TMEM14C: variants seen among roughly 807,000 people sequenced by gnomAD.
The protein encoded by TMEM14C is transmembrane protein 14C.
In TMEM14C, 13 loss-of-function variants were observed where a neutral mutation model predicts 14.8. That is an observed-to-expected ratio of 0.88 (90% CI 0.57 to 1.40). The LOEUF (loss-of-function observed/expected upper bound fraction) is 1.40. TMEM14C is among the 40% of genes most tolerant of loss of function. The probability of loss-of-function intolerance (pLI) is 0.00; values close to 1 mark genes in which losing one functional copy is unlikely to be tolerated. For missense variants in TMEM14C, 142 were observed against 138.8 expected (o/e 1.02, Z -0.12); for synonymous variants, 57 against 51.3 (o/e 1.11, Z -0.48).
chr6:10,730,876 C>T lies in TMEM14C; in HGVS notation c.*210C>T. 1 of 1,237,704 alleles carries T rather than the reference C, an allele frequency of 8.1e-7. No homozygotes were observed. The highest frequency in any genetic ancestry group is 1.0e-6 in the Non-Finnish European group (1 of 984,760). 76.7% of individuals were successfully genotyped at this position (1,237,704 alleles called of 1,614,324 possible). ...TATGTAACACAAGAGCTTAATAAGA[C>T]CCTCATAGAGCTTGATTCTTGTATA... On this transcript the variant is annotated 3_prime_UTR_variant, in exon 6 of 6. Coordinates refer to ENST00000229563, the MANE Select transcript of TMEM14C (RefSeq NM_016462.4).
chr6:10,731,121 T>A lies in TMEM14C; in HGVS notation c.*455T>A. On this transcript the variant is annotated 3_prime_UTR_variant, in exon 6 of 6. Transcript: ENST00000229563. ...ATATCAATGAAAATAAAGTTTACTA[T>A]AAATAATATTTCCTATGGGGTCTTC... 1.0e-6 allele frequency: 1 copy of A among 983,220 alleles called. No individual in the cohort carries two copies. The highest frequency in any genetic ancestry group is 1.1e-4 in the East Asian group (1 of 8,806). 60.9% of individuals were successfully genotyped at this position (983,220 alleles called of 1,614,324 possible).
chr6:10,723,861 C>T (rs182835700), intron 1 of TMEM14C, among the ~76,000 whole-genome samples: 22 of 152,278 alleles, frequency 1.4e-4, no homozygotes, highest in Non-Finnish European at 2.4e-4. Context: ...GCCTCGGCCT[C>T]CTAAAGTACT....
rs1169150911 is a variant in TMEM14C at position 10,731,090 on chromosome 6, A to T, written c.*424A>T. 2 of 985,358 alleles carry T rather than the reference A, an allele frequency of 2.0e-6. No individual in the cohort carries two copies. Among genetic ancestry groups the T allele is most frequent in the African/African-American group, 3.5e-5 (2 of 57,268 alleles). The allele number at this position is 985,358 out of a possible 1,614,324, so 61.0% of individuals were successfully genotyped here. A position where few individuals can be genotyped will look rare whatever the true frequency, so the allele number is the denominator to read the frequency against. ...ACAGACTGACTTTGAAATTATGTTA[A>T]GTGAAATATCAATGAAAATAAAGTT... On this transcript the variant is annotated 3_prime_UTR_variant, in exon 6 of 6. Coordinates refer to ENST00000229563, the MANE Select transcript of TMEM14C (RefSeq NM_016462.4).
At chr6:10,723,857 G>A (rs1770770833) in intron 1 of TMEM14C, among the ~76,000 whole-genome samples, 1 of 152,146 alleles carries the variant, frequency 6.6e-6, no homozygotes, top group Non-Finnish European at 1.5e-5. Flanking sequence ...GCCCGCCTCG[G>A]CCTCCTAAAG....
chr6:10,726,869 T>C (rs188901353), intron 4 of TMEM14C, among the ~76,000 whole-genome samples: 70 of 152,232 alleles, frequency 4.6e-4, no homozygotes, highest in African/African-American at 1.6e-3. Context: ...TTGCGGTCTC[T>C]ACAAACCCCG....
In TMEM14C at chr6:10,727,513, AT is replaced by A. The variant is rs1261339779; in HGVS notation, c.200-1122del. On this transcript the variant is annotated intron_variant, in intron 4 of 5. Transcript: ENST00000229563. ...ACCAACATGCCCGGCTAATTTTTCTATTTTTAGTAGAGACAGGAGTTTCGCC... is the reference window on the plus strand; with the variant it reads ...ACCAACATGCCCGGCTAATTTTTCTATTTTAGTAGAGACAGGAGTTTCGCC... Among the ~76,000 whole-genome samples, 2 of 151,742 alleles carry A rather than the reference AT, an allele frequency of 1.3e-5. 1 individual carries two copies. The highest frequency in any genetic ancestry group is 3.9e-4 in the East Asian group (2 of 5,146).
intron 1 of TMEM14C, 43 bp from the exon 2 acceptor site, chr6:10,724,527 A>G (rs1770798197): frequency 9.5e-6 from 13 of 1,367,838 alleles, no homozygotes; most frequent in Admixed American, 1.8e-5. Flanking sequence ...ACTGCTGGAG[A>G]GCTGTGCTTT....
chr6:10,723,570 T>C (rs894491297), intron 1 of TMEM14C, among the ~76,000 whole-genome samples: 1 of 150,060 alleles, frequency 6.7e-6, no homozygotes, highest in Non-Finnish European at 1.5e-5. Flanking sequence ...CCGCTGCCCT[T>C]CCCTGTTTTA....
chr6:10,726,061 T>G (rs966463424), intron 4 of TMEM14C, 53 bp downstream of exon 4: 4 of 1,603,650 alleles, frequency 2.5e-6, no homozygotes, highest in Non-Finnish European at 3.4e-6. Context: ...GAATACTCTT[T>G]TCCAAAAGAC....
intron 4 of TMEM14C, among the ~76,000 whole-genome samples, chr6:10,727,885 T>A (rs774843257): frequency 2.6e-5 from 4 of 152,070 alleles, no homozygotes; most frequent in Non-Finnish European, 5.9e-5. Context: ...TTTAATAGCT[T>A]CTCATTGTTC....
At chr6:10,724,908 T>TG in intron 2 of TMEM14C, 53 bp from the exon 3 acceptor site, 1 of 1,593,722 alleles carries the variant, frequency 6.3e-7, no homozygotes, top group Non-Finnish European at 8.6e-7. Context: ...TATGACAGTA[T>TG]GGTTTGTTTT....
chr6:10,728,084 A>G (rs1034530724), intron 4 of TMEM14C, among the ~76,000 whole-genome samples: 1 of 152,194 alleles, frequency 6.6e-6, no homozygotes, highest in Non-Finnish European at 1.5e-5. Flanking sequence ...CCCATCCTTC[A>G]GCTCATTAAT....
At position 10,724,163 on chromosome 6, in the gene TMEM14C, A is replaced by G. The variant is rs1243309071; in HGVS notation, c.-44-407A>G. 2.0e-5 allele frequency among the ~76,000 whole-genome samples: 3 copies of G among 152,098 alleles called. No homozygotes were observed. The East Asian group carries it at 5.8e-4, about 29-fold the overall frequency. On this transcript the variant is annotated intron_variant, in intron 1 of 5. Coordinates refer to ENST00000229563, the MANE Select transcript of TMEM14C (RefSeq NM_016462.4). ...AGCAGGGATGAAAAGCAACACCCCT[A>G]CCTCCCCTCAAAAGAGACATTAAAG...
chr6:10,729,747 C>G (rs1770974313), intron 5 of TMEM14C, among the ~76,000 whole-genome samples: 6 of 152,096 alleles, frequency 3.9e-5, no homozygotes, highest in Admixed American at 3.9e-4. Context: ...CACTGCACTC[C>G]AGCCTGGGGG....
intron 2 of TMEM14C, 104 bp from the exon 3 acceptor site, chr6:10,724,857 T>A (rs1296762565): frequency 1.4e-6 from 2 of 1,419,298 alleles, no homozygotes; most frequent in African/African-American, 2.8e-5. Context: ...TTATTTTCAG[T>A]GATAGGACCT....
chr6:10,730,175 G>C (rs1770985500), intron 5 of TMEM14C, among the ~76,000 whole-genome samples: 1 of 152,166 alleles, frequency 6.6e-6, no homozygotes, highest in Non-Finnish European at 1.5e-5. Flanking sequence ...CCTGAAGGTA[G>C]GGGAATTTTT....
chr6:10,728,235 A>C, intron 4 of TMEM14C, among the ~76,000 whole-genome samples: 1 of 152,236 alleles, frequency 6.6e-6, no homozygotes, highest in East Asian at 1.9e-4. Context: ...TGTATTCTCC[A>C]GCTCCTAGCA....
chr6:10,730,849 A>C lies in TMEM14C; in HGVS notation c.*183A>C. On this transcript the variant is annotated 3_prime_UTR_variant, in exon 6 of 6. Coordinates refer to ENST00000229563, the MANE Select transcript of TMEM14C (RefSeq NM_016462.4). Reference sequence around the variant, plus strand: ...TGATTACAAACCTACAGAGGTGGCGAGTATGTAACACAAGAGCTTAATAAG... The same window carrying C: ...TGATTACAAACCTACAGAGGTGGCGCGTATGTAACACAAGAGCTTAATAAG... 1 of 1,302,116 alleles carries C rather than the reference A, an allele frequency of 7.7e-7. No homozygotes were observed. Among genetic ancestry groups the C allele is most frequent in the African/African-American group, 1.5e-5 (1 of 67,102 alleles). 80.7% of individuals were successfully genotyped at this position (1,302,116 alleles called of 1,614,324 possible). A position where few individuals can be genotyped will look rare whatever the true frequency, so the allele number is the denominator to read the frequency against.
At chr6:10,725,642 T>G (rs1026951170) in intron 3 of TMEM14C, among the ~76,000 whole-genome samples, 2 of 152,170 alleles carry the variant, frequency 1.3e-5, no homozygotes, top group Non-Finnish European at 2.9e-5. Flanking sequence ...CAGTTCCATC[T>G]AAGGAGGGAA....
Sources: gnomAD v4.1 joint callset for allele counts (sites outside exome capture counted in the v4.1 genomes callset) on GRCh38, gnomAD v4.1.1 for gene constraint, MANE v1.5 for transcripts, NCBI Gene and HGNC (gene_info 2026-07-23, HGNC 2026-07-21) for gene names.